Variants in GTF3C2 observed in about 807,000 individuals in gnomAD.
GTF3C2 encodes the protein general transcription factor 3C polypeptide 2.
GTF3C2 carries 17 observed loss-of-function variants against 117.4 expected under a neutral mutation model. The ratio of observed to expected loss-of-function variants is 0.14; its 90% CI spans 0.10 to 0.22. The LOEUF (loss-of-function observed/expected upper bound fraction) is 0.22, where lower values mean the gene tolerates loss of function less well. Ranked by LOEUF, GTF3C2 falls within the 10% of genes least tolerant of loss-of-function variation. The pLI is 1.00. For synonymous variants in GTF3C2, 437 were observed against 427.0 expected, an observed-to-expected ratio of 1.02 and a Z score of -0.29; for missense variants, 888 against 1,143.6, an observed-to-expected ratio of 0.78 and a Z score of 3.22.
In GTF3C2 at chr2:27,328,458, G is replaced by A. The variant is rs6721927; in HGVS notation, c.2256+10C>T. The A allele has an allele frequency of 0.014, 22,410 of 1,613,540 alleles. 2,654 individuals carry two copies. The African/African-American group carries it at 0.26, about 19-fold the overall frequency. ...ATCCAACAGCTGCTGTTAGATGTTCGTATACGTACAAATCTTCGCTCTACA... is the reference window on the plus strand; with the variant it reads ...ATCCAACAGCTGCTGTTAGATGTTCATATACGTACAAATCTTCGCTCTACA... On this transcript the variant is annotated intron_variant, in intron 16 of 18. Transcript: ENST00000264720.
intron 1 of GTF3C2, among the ~76,000 whole-genome samples, chr2:27,348,090 A>G (rs1347377978): frequency 6.6e-6 from 1 of 152,220 alleles, no homozygotes; most frequent in East Asian, 1.9e-4. Flanking sequence ...CAACATGGTG[A>G]AACCCTGTCT....
rs536409486 is a variant in GTF3C2, at chr2:27,354,321, A to G, written c.-25+2418T>C. Among the ~76,000 whole-genome samples the G allele has an allele frequency of 2.0e-5, 3 of 152,060 alleles. No individual in the cohort carries two copies. The East Asian group carries it at 5.9e-4, about 30-fold the overall frequency. ...ACCAATACAATGACTCTTGGCAAGC[A>G]TTCAACTCAACTAGTGGAAGCAGAC... On this transcript the variant is annotated intron_variant, in intron 1 of 18. Coordinates refer to ENST00000264720, the Ensembl canonical transcript of GTF3C2.
intron 1 of GTF3C2, among the ~76,000 whole-genome samples, chr2:27,348,108 G>C (rs1680981793): frequency 6.6e-6 from 1 of 152,022 alleles, no homozygotes; most frequent in Non-Finnish European, 1.5e-5. Context: ...TCTCTACTAA[G>C]AATACAAACA....
exon 19 of GTF3C2, chr2:27,326,722 G>A (rs138644187): frequency 2.4e-5 from 39 of 1,614,016 alleles, no homozygotes; most frequent in South Asian, 5.5e-5. Context: ...AAGCCAGGCC[G>A]TCTAGTGGGG....
At chr2:27,343,560 CCCCCCAAAATGGCTG>C (rs779734091) in exon 2 of GTF3C2, 2 of 1,613,192 alleles carry the variant, frequency 1.2e-6, no homozygotes, top group South Asian at 2.2e-5. Context: ...TCCATCAGCA[CCCCCCAAAATGGCTG>C]CCCCTGCATA....
intron 1 of GTF3C2, among the ~76,000 whole-genome samples, chr2:27,349,588 A>G (rs980693890): frequency 6.6e-6 from 1 of 152,246 alleles, no homozygotes; most frequent in Admixed American, 6.5e-5. Flanking sequence ...AGTTTTGATG[A>G]CAATAGTAAA....
At chr2:27,328,970 T>C (rs1680187727) in intron 14 of GTF3C2, 39 bp from the exon 15 acceptor site, 1 of 1,499,970 alleles carries the variant, frequency 6.7e-7, no homozygotes, top group Admixed American at 1.7e-5. Context: ...TCCTTTTCTT[T>C]AGATTCATTT....
chr2:27,332,415 ATT>A (rs1680306270), intron 12 of GTF3C2, among the ~76,000 whole-genome samples: 3 of 151,444 alleles, frequency 2.0e-5, no homozygotes, highest in South Asian at 2.1e-4. Context: ...AAATTTTATT[ATT>A]TTTAGTTTTT....
chr2:27,341,463 A>C (rs1680727260), intron 4 of GTF3C2: 2 of 157,984 alleles, frequency 1.3e-5, no homozygotes, highest in African/African-American at 4.8e-5. Context: ...CATATTCTCC[A>C]GTTTAATCTC....
chr2:27,338,456 GCGCGCACACA>G (rs1259453398), intron 4 of GTF3C2, among the ~76,000 whole-genome samples: 5 of 47,868 alleles, frequency 1.0e-4, no homozygotes, highest in African/African-American at 8.2e-4. Flanking sequence ...GCACGCGCAC[GCGCGCACACA>G]CACACACACA....
chr2:27,328,222 A>G, intron 16 of GTF3C2, 33 bp from the exon 17 acceptor site: 1 of 1,508,312 alleles, frequency 6.6e-7, no homozygotes, highest in Non-Finnish European at 9.0e-7. Context: ...AGGTTCTATA[A>G]TACTCAAGAC....
At chr2:27,343,180 A>T in intron 2 of GTF3C2, 33 bp from the exon 3 acceptor site, 1 of 1,519,008 alleles carries the variant, frequency 6.6e-7, no homozygotes, top group Non-Finnish European at 8.9e-7. Flanking sequence ...GTGAGATGGG[A>T]CCAGAACTCA....
At position 27,343,184 on chromosome 2, in the gene GTF3C2, G is replaced by C. The variant is rs183255369; in HGVS notation, c.248-37C>G. 8,210 of 1,513,078 alleles carry C rather than the reference G, an allele frequency of 5.4e-3. 36 individuals are homozygous for C. The highest frequency in any genetic ancestry group is 6.8e-3 in the Non-Finnish European group (7,576 of 1,117,682). The allele number at this position is 1,513,078 out of a possible 1,614,324, so 93.7% of individuals were successfully genotyped here. ...AATATGGGTCTGTGAGATGGGACCAGAACTCAAACCTCTATGGAAAAGATT... is the reference window on the plus strand; with the variant it reads ...AATATGGGTCTGTGAGATGGGACCACAACTCAAACCTCTATGGAAAAGATT... On this transcript the variant is annotated intron_variant, in intron 2 of 18. Transcript: ENST00000264720.
At chr2:27,343,962 T>C (rs1680832479) in intron 1 of GTF3C2, among the ~76,000 whole-genome samples, 1 of 150,690 alleles carries the variant, frequency 6.6e-6, no homozygotes, top group South Asian at 2.1e-4. Context: ...ACAAGGTCCC[T>C]GCCCTCATGG....
intron 10 of GTF3C2, among the ~76,000 whole-genome samples, chr2:27,334,538 G>A (rs1680390722): frequency 6.6e-6 from 1 of 151,918 alleles, no homozygotes; most frequent in South Asian, 2.1e-4. Flanking sequence ...ATTGCTATGT[G>A]AACATGCCCT....
exon 19 of GTF3C2, chr2:27,326,646 T>G (rs756408181): frequency 2.6e-6 from 4 of 1,548,796 alleles, no homozygotes; most frequent in Non-Finnish European, 3.6e-6. Context: ...TTGACCGACT[T>G]CACTCCAAGG....
At chr2:27,347,974 A>T (rs1038194896) in intron 1 of GTF3C2, among the ~76,000 whole-genome samples, 4 of 152,124 alleles carry the variant, frequency 2.6e-5, no homozygotes, top group Non-Finnish European at 4.4e-5. Flanking sequence ...TCTCTACAGA[A>T]AAATACCAAA....
chr2:27,348,284 A>C (rs941765551), intron 1 of GTF3C2, among the ~76,000 whole-genome samples: 1 of 151,350 alleles, frequency 6.6e-6, no homozygotes, highest in Non-Finnish European at 1.5e-5. Flanking sequence ...AAAAAAAAAA[A>C]AACTAGCTGG....
intron 5 of GTF3C2, 39 bp downstream of exon 5, chr2:27,337,887 C>T (rs1028476344): frequency 3.4e-6 from 4 of 1,185,508 alleles, no homozygotes; most frequent in Non-Finnish European, 5.1e-6. Context: ...TCCTCTACCA[C>T]CCCTTTATTA....
Sources: allele counts gnomAD v4.1 joint callset (sites outside exome capture counted in the v4.1 genomes callset), GRCh38; gene constraint gnomAD v4.1.1; transcripts MANE v1.5; gene names NCBI Gene and HGNC (gene_info 2026-07-23, HGNC 2026-07-21).